Variants in DLG2 observed in about 807,000 individuals in gnomAD.
DLG2 encodes the protein discs large MAGUK scaffold protein 2, also known as disks large homolog 2.
Under a neutral mutation model 132.5 loss-of-function variants are expected in DLG2, and 45 were observed. That is an observed-to-expected ratio of 0.34 (90% CI 0.27 to 0.44). DLG2 has a LOEUF of 0.44. DLG2 is among the 20% of genes least tolerant of loss of function. DLG2 has a pLI of 1.00. For missense variants in DLG2, 1,045 were observed against 1,196.9 expected, an observed-to-expected ratio of 0.87 and a Z score of 1.87; for synonymous variants, 424 against 419.6, an observed-to-expected ratio of 1.01 and a Z score of -0.13.
At chr11:84,445,915 C>CAAAAAAA (rs58758315) in intron 7 of DLG2, among the ~76,000 whole-genome samples, 1 of 59,836 alleles carries the variant, frequency 1.7e-5, no homozygotes, top group Non-Finnish European at 3.2e-5. Context: ...GACTTCGCCT[C>CAAAAAAA]AAAAAAAAAA....
At chr11:84,220,261 T>C (rs561381109) in intron 8 of DLG2, among the ~76,000 whole-genome samples, 61 of 152,344 alleles carry the variant, frequency 4.0e-4, no homozygotes, top group African/African-American at 1.3e-3. Flanking sequence ...AAATTCCTTA[T>C]GGTACTAGAC....
At position 83,927,604 on chromosome 11, in the gene DLG2, G is replaced by A. The variant is rs7934952; in HGVS notation, c.1496+2724C>T. On this transcript the variant is annotated intron_variant, in intron 15 of 27. Transcript: ENST00000376104. Reference sequence around the variant, plus strand: ...GGGAAGAGTGAAATGAGGTATCCAAGAGGCAGGCAGTGGCTAGGTCATGCA... The same window carrying A: ...GGGAAGAGTGAAATGAGGTATCCAAAAGGCAGGCAGTGGCTAGGTCATGCA... Among the ~76,000 whole-genome samples the A allele has an allele frequency of 5.7e-3, 867 of 152,298 alleles. 13 individuals are homozygous for A. The highest frequency in any genetic ancestry group is 0.019 in the African/African-American group (778 of 41,572).
At chr11:84,929,984 C>G (rs1223170438) in intron 6 of DLG2, among the ~76,000 whole-genome samples, 2 of 152,094 alleles carry the variant, frequency 1.3e-5, no homozygotes, top group African/African-American at 4.8e-5. Flanking sequence ...AAAGCCTACT[C>G]TTCTGGATAA....
At chr11:85,137,419 C>T (rs1048760465) in intron 5 of DLG2, among the ~76,000 whole-genome samples, 1 of 151,978 alleles carries the variant, frequency 6.6e-6, no homozygotes, top group Admixed American at 6.6e-5. Flanking sequence ...CCTAGGTGAC[C>T]CCAACACAGA....
chr11:85,164,722 G>A (rs1368539794), intron 4 of DLG2, among the ~76,000 whole-genome samples: 1 of 152,096 alleles, frequency 6.6e-6, no homozygotes, highest in Non-Finnish European at 1.5e-5. Flanking sequence ...CTCTCTTCAA[G>A]GATACTGATA....
At chr11:84,357,432 A>G (rs1252728553) in intron 7 of DLG2, among the ~76,000 whole-genome samples, 1 of 152,030 alleles carries the variant, frequency 6.6e-6, no homozygotes, top group Non-Finnish European at 1.5e-5. Flanking sequence ...CCATCCTATT[A>G]CATGTTTTCA....
intron 6 of DLG2, among the ~76,000 whole-genome samples, chr11:84,622,056 T>C (rs540379541): frequency 3.9e-5 from 6 of 152,316 alleles, no homozygotes; most frequent in African/African-American, 1.4e-4. Flanking sequence ...TTTCCCACTT[T>C]ACACATCAAA....
At chr11:84,203,368 G>A (rs568702129) in intron 8 of DLG2, among the ~76,000 whole-genome samples, 24 of 152,186 alleles carry the variant, frequency 1.6e-4, no homozygotes, top group Non-Finnish European at 3.1e-4. Flanking sequence ...AGATCACGAG[G>A]TTAGGAGATG....
chr11:83,895,145 CTTTTTTTTTT>C (rs11287512), intron 15 of DLG2, among the ~76,000 whole-genome samples: 1 of 87,902 alleles, frequency 1.1e-5, no homozygotes, highest in African/African-American at 5.0e-5. Flanking sequence ...GAACTACTGT[CTTTTTTTTTT>C]TTTTTTTTTT....
rs61907152 is a variant in DLG2, at chr11:85,531,449, C to A, written c.40+67208G>T. On this transcript the variant is annotated intron_variant, in intron 3 of 27. Transcript: ENST00000376104. ...ACATGTTTTTATATCTGCTTTGTGC[C>A]AGCACTTTGGGGTATTCAAAAATAA... Among the ~76,000 whole-genome samples the A allele has an allele frequency of 5.3e-3, 811 of 152,264 alleles. 3 individuals carry two copies. The highest frequency in any genetic ancestry group is 8.2e-3 in the Non-Finnish European group (556 of 68,034).
At chr11:84,556,785 T>C (rs1239231874) in intron 6 of DLG2, among the ~76,000 whole-genome samples, 7 of 152,228 alleles carry the variant, frequency 4.6e-5, no homozygotes, top group Non-Finnish European at 2.9e-5. Context: ...GTTCTTATCA[T>C]TTAGCTCCCA....
intron 4 of DLG2, among the ~76,000 whole-genome samples, chr11:85,206,379 T>G (rs1565157224): frequency 6.6e-6 from 1 of 152,190 alleles, no homozygotes; most frequent in Non-Finnish European, 1.5e-5. Context: ...TGAAGCCAGA[T>G]AGACCTGGGT....
intron 18 of DLG2, among the ~76,000 whole-genome samples, chr11:83,767,923 C>A (rs971797286): frequency 2.6e-5 from 4 of 152,176 alleles, no homozygotes; most frequent in African/African-American, 7.2e-5. Context: ...CAAGGTCATG[C>A]AGCTAGCCAA....
At chr11:85,066,794 G>C (rs910173574) in intron 6 of DLG2, among the ~76,000 whole-genome samples, 1 of 151,490 alleles carries the variant, frequency 6.6e-6, no homozygotes, top group African/African-American at 2.4e-5. Context: ...CGAGCTTCAA[G>C]ACAATAAAAG....
intron 6 of DLG2, among the ~76,000 whole-genome samples, chr11:84,816,776 C>T (rs2077127218): frequency 6.6e-6 from 1 of 151,818 alleles, no homozygotes. Context: ...AGTCAAATTG[C>T]CTCAGAAATA....
At chr11:83,525,222 A>T (rs1353167711) in intron 21 of DLG2, among the ~76,000 whole-genome samples, 1 of 152,188 alleles carries the variant, frequency 6.6e-6, no homozygotes, top group Admixed American at 6.5e-5. Flanking sequence ...TGTCTCAGAC[A>T]TGGAGACTTG....
At chr11:83,823,705 G>T (rs756223539) in intron 17 of DLG2, among the ~76,000 whole-genome samples, 1 of 152,212 alleles carries the variant, frequency 6.6e-6, no homozygotes, top group South Asian at 2.1e-4. Context: ...CAGTAGCTCC[G>T]TTCTAAGTTA....
chr11:84,535,325 T>C (rs2099352772), intron 6 of DLG2, among the ~76,000 whole-genome samples: 1 of 152,188 alleles, frequency 6.6e-6, no homozygotes, highest in African/African-American at 2.4e-5. Context: ...TTAGTCAGAT[T>C]CCAGGACAAA....
intron 4 of DLG2, among the ~76,000 whole-genome samples, chr11:85,256,723 GA>G (rs1164527164): frequency 6.6e-6 from 1 of 152,150 alleles, no homozygotes; most frequent in Non-Finnish European, 1.5e-5. Context: ...GATGTCGTGT[GA>G]GGGGGGGTCA....
Sources: gnomAD v4.1 joint callset for allele counts (sites outside exome capture counted in the v4.1 genomes callset) on GRCh38, gnomAD v4.1.1 for gene constraint, MANE v1.5 for transcripts, NCBI Gene and HGNC (gene_info 2026-07-23, HGNC 2026-07-21) for gene names.